Variants in TBC1D5 observed in about 807,000 individuals in gnomAD.
The protein encoded by TBC1D5 is TBC1 domain family, member 5.
A neutral mutation model predicts 100.3 loss-of-function variants in TBC1D5; 75 were observed. The observed-to-expected ratio is 0.75, with a 90% CI of 0.62 to 0.91. The LOEUF is 0.91. Ranked by LOEUF, TBC1D5 falls within the 40% of genes least tolerant of loss-of-function variation. The pLI is 0.00. For synonymous variants in TBC1D5, 323 were observed against 325.6 expected, an observed-to-expected ratio of 0.99 and a Z score of 0.09; for missense variants, 910 against 942.4, an observed-to-expected ratio of 0.97 and a Z score of 0.45.
chr3:17,323,274 A>AT (rs1231831542), intron 13 of TBC1D5, among the ~76,000 whole-genome samples: 2 of 152,240 alleles, frequency 1.3e-5, no homozygotes, highest in Non-Finnish European at 2.9e-5. Flanking sequence ...TGAGGCCAGC[A>AT]TTACTGGCAT....
At chr3:17,249,126 C>T (rs567143965) in intron 16 of TBC1D5, among the ~76,000 whole-genome samples, 1 of 152,302 alleles carries the variant, frequency 6.6e-6, no homozygotes, top group African/African-American at 2.4e-5. Context: ...TGATTGTCTA[C>T]CCAGACCACT....
At chr3:17,662,997 G>C (rs2153746684) in intron 1 of TBC1D5, 1 of 152,246 alleles carries the variant, frequency 6.6e-6, no homozygotes, top group Admixed American at 6.5e-5. Flanking sequence ...TACCAGACCA[G>C]TATCTTCATT....
intron 15 of TBC1D5, among the ~76,000 whole-genome samples, chr3:17,270,447 T>C (rs574081869): frequency 1.3e-5 from 2 of 152,296 alleles, no homozygotes; most frequent in African/African-American, 4.8e-5. Context: ...CACAGAAAGA[T>C]TGAGCTCTTC....
intron 3 of TBC1D5, among the ~76,000 whole-genome samples, chr3:17,479,982 G>A (rs1347551671): frequency 6.6e-6 from 1 of 152,322 alleles, no homozygotes; most frequent in African/African-American, 2.4e-5. Flanking sequence ...GTCCCAGGAA[G>A]CCCCTTGTCC....
intron 3 of TBC1D5, among the ~76,000 whole-genome samples, chr3:17,473,095 C>T (rs1251218283): frequency 1.3e-5 from 2 of 152,132 alleles, no homozygotes; most frequent in African/African-American, 4.8e-5. Flanking sequence ...TCAACTAACA[C>T]ATTGGTTTTC....
In TBC1D5 at chr3:17,224,246, G is replaced by A. The variant is rs1375031091; in HGVS notation, c.1589-9876C>T. On this transcript the variant is annotated intron_variant, in intron 17 of 21. Coordinates refer to ENST00000253692, the Ensembl canonical transcript of TBC1D5. ...TGGGAAAAAAGCTAGCACAGTGCCT[G>A]CACATTGTGGAGCTACCATAAATGT... Among the ~76,000 whole-genome samples the A allele has an allele frequency of 2.6e-5, 4 of 152,274 alleles. No homozygotes were observed. The East Asian group carries it at 7.7e-4, about 29-fold the overall frequency.
At chr3:17,163,066 A>G (rs2066234318) in intron 21 of TBC1D5, among the ~76,000 whole-genome samples, 1 of 152,210 alleles carries the variant, frequency 6.6e-6, no homozygotes, top group African/African-American at 2.4e-5. Flanking sequence ...CCTTTAGCTT[A>G]CAGTGAAGAC....
At chr3:17,536,918 G>A (rs1356385313) in intron 2 of TBC1D5, among the ~76,000 whole-genome samples, 1 of 152,112 alleles carries the variant, frequency 6.6e-6, no homozygotes, top group African/African-American at 2.4e-5. Context: ...TTATACAGAT[G>A]AGGTCTCAGA....
chr3:17,598,847 C>A (rs2060743908), intron 2 of TBC1D5, among the ~76,000 whole-genome samples: 1 of 152,154 alleles, frequency 6.6e-6, no homozygotes, highest in African/African-American at 2.4e-5. Flanking sequence ...TACCACACTT[C>A]CTTTATTGAG....
exon 14 of TBC1D5, chr3:17,308,111 C>T (rs886311077): frequency 6.3e-7 from 1 of 1,594,762 alleles, no homozygotes; most frequent in African/African-American, 1.4e-5. Flanking sequence ...GAACTCTCGT[C>T]CAAATAGCAG....
chr3:17,528,630 C>T (rs535840975), intron 2 of TBC1D5, among the ~76,000 whole-genome samples: 1 of 152,076 alleles, frequency 6.6e-6, no homozygotes, highest in South Asian at 2.1e-4. Flanking sequence ...TTCACCCCCC[C>T]ATTCTCTACT....
chr3:17,157,891 C>T (rs1369155122), exon 22 of TBC1D5: 2 of 150,950 alleles, frequency 1.3e-5, no homozygotes, highest in African/African-American at 4.9e-5. Context: ...CCTTAGCAAC[C>T]CCAGGGCTGA....
intron 2 of TBC1D5, among the ~76,000 whole-genome samples, chr3:17,589,032 C>A (rs909281125): frequency 6.6e-6 from 1 of 152,060 alleles, no homozygotes; most frequent in Non-Finnish European, 1.5e-5. Flanking sequence ...TGTATATAAC[C>A]AGTGATAGCC....
At chr3:17,705,732 C>T (rs1321330230) in intron 1 of TBC1D5, among the ~76,000 whole-genome samples, 6 of 138,956 alleles carry the variant, frequency 4.3e-5, no homozygotes, top group African/African-American at 1.6e-4. Context: ...GATGGGATGG[C>T]GGCCGGGCGG....
intron 1 of TBC1D5, among the ~76,000 whole-genome samples, chr3:17,722,251 C>T (rs1289762646): frequency 6.6e-6 from 1 of 152,184 alleles, no homozygotes; most frequent in African/African-American, 2.4e-5. Flanking sequence ...TTTTACTCAG[C>T]ACAAGTATCC....
intron 13 of TBC1D5, among the ~76,000 whole-genome samples, chr3:17,309,620 G>A (rs1173228274): frequency 6.6e-6 from 1 of 151,632 alleles, no homozygotes; most frequent in Non-Finnish European, 1.5e-5. Context: ...TAATATGGCT[G>A]TGTTTACATG....
chr3:17,284,530 A>G (rs2080973215), intron 15 of TBC1D5, among the ~76,000 whole-genome samples: 1 of 152,156 alleles, frequency 6.6e-6, no homozygotes, highest in South Asian at 2.1e-4. Context: ...TTATATCACC[A>G]TGATTTAACC....
At chr3:17,425,588 C>T (rs934557141) in intron 4 of TBC1D5, among the ~76,000 whole-genome samples, 9 of 152,152 alleles carry the variant, frequency 5.9e-5, no homozygotes, top group African/African-American at 2.2e-4. Flanking sequence ...GAGATAGTGC[C>T]ACTGTACGCC....
At chr3:17,572,172 C>T (rs1034509803) in intron 2 of TBC1D5, among the ~76,000 whole-genome samples, 2 of 151,828 alleles carry the variant, frequency 1.3e-5, no homozygotes, top group Admixed American at 6.6e-5. Context: ...CCTGCTCTCT[C>T]TCTCTCTCAC....
Sources: allele counts gnomAD v4.1 joint callset (sites outside exome capture counted in the v4.1 genomes callset), GRCh38; gene constraint gnomAD v4.1.1; transcripts MANE v1.5; gene names NCBI Gene and HGNC (gene_info 2026-07-23, HGNC 2026-07-21).